KDSR: variants seen among roughly 807,000 people sequenced by gnomAD.
KDSR encodes the protein 3-dehydrosphinganine reductase.
In KDSR, 23 loss-of-function variants were observed where a neutral mutation model predicts 41.3. That is an observed-to-expected ratio of 0.56 (90% CI 0.40 to 0.79). KDSR has a LOEUF of 0.79. KDSR is among the 30% of genes least tolerant of loss of function. The pLI is 0.00. For missense variants in KDSR, 351 were observed against 416.8 expected (o/e 0.84, Z 1.37); for synonymous variants, 138 against 151.7 (o/e 0.91, Z 0.66).
rs1255458912 is a variant in KDSR, at chr18:63,367,129, G to T, written c.-11C>A. 37 of 1,307,546 alleles carry T rather than the reference G, an allele frequency of 2.8e-5. No individual in the cohort carries two copies. Among genetic ancestry groups the T allele is most frequent in the Middle Eastern group, 2.2e-4 (1 of 4,506 alleles). 81.0% of individuals were successfully genotyped at this position (1,307,546 alleles called of 1,614,324 possible). A position where few individuals can be genotyped will look rare whatever the true frequency, so the allele number is the denominator to read the frequency against. ...AGCCAGCAGCAGCATCGCTCCGCGG[G>T]GCCAGGGGCCCGGAGCGGCCGGGCG... is the stretch of plus-strand genomic sequence containing the variant. On this transcript the variant is annotated 5_prime_UTR_variant, in exon 1 of 10. Coordinates refer to ENST00000645214, the MANE Select transcript of KDSR (RefSeq NM_002035.4).
In KDSR at chr18:63,351,555, A is replaced by G. The variant is rs117914120; in HGVS notation, c.418-476T>C. Among the ~76,000 whole-genome samples, 472 of 152,294 alleles carry G rather than the reference A, an allele frequency of 3.1e-3. 3 individuals are homozygous for G. Among genetic ancestry groups the G allele is most frequent in the Non-Finnish European group, 5.1e-3 (349 of 68,032 alleles). On this transcript the variant is annotated intron_variant, in intron 5 of 9. Transcript: ENST00000645214. Reference sequence around the variant, plus strand: ...CCATTTATTGCCTATTTGATGATGAATAAGAAAGTCAGACATTCTACTTAT... The same window carrying G: ...CCATTTATTGCCTATTTGATGATGAGTAAGAAAGTCAGACATTCTACTTAT...
At chr18:63,332,149 A>G (rs1429753477) in intron 9 of KDSR, among the ~76,000 whole-genome samples, 2 of 152,226 alleles carry the variant, frequency 1.3e-5, no homozygotes, top group African/African-American at 2.4e-5. Context: ...AGAATAAAAT[A>G]TATATTGCTT....
intron 1 of KDSR, 82 bp downstream of exon 1, chr18:63,366,929 A>T: frequency 3.0e-6 from 2 of 657,982 alleles, no homozygotes; most frequent in South Asian, 6.7e-5. Flanking sequence ...GCCTGGAAAA[A>T]GGGACGTAGG....
At chr18:63,348,620 C>T (rs138021861) in intron 6 of KDSR, among the ~76,000 whole-genome samples, 34 of 152,162 alleles carry the variant, frequency 2.2e-4, no homozygotes, top group Non-Finnish European at 3.8e-4. Flanking sequence ...CAGACTTGAG[C>T]GTGCAGGCCG....
chr18:63,361,782 T>C (rs1321443549), intron 2 of KDSR, among the ~76,000 whole-genome samples: 4 of 152,018 alleles, frequency 2.6e-5, no homozygotes, highest in African/African-American at 9.7e-5. Context: ...GCCACTGCAC[T>C]CCAGCCTGGG....
chr18:63,344,687 A>C, intron 6 of KDSR, 194 bp from the exon 7 acceptor site: 26 of 503,906 alleles, frequency 5.2e-5, no homozygotes, highest in East Asian at 6.4e-5. Flanking sequence ...CAAAAAGCTC[A>C]CCCTAACCTG....
In KDSR at chr18:63,355,575, GA is replaced by G. The variant is rs781202888; in HGVS notation, c.256-13del. ...ATGCAAAGCACCACCTGTTAAAAAA[GA>G]AAAAAAGTGATCAAAGTTTTGCAGG... On this transcript the variant is annotated splice_polypyrimidine_tract_variant and intron_variant, in intron 3 of 9. Coordinates refer to ENST00000645214, the MANE Select transcript of KDSR (RefSeq NM_002035.4). 7.7e-6 allele frequency: 12 copies of G among 1,555,076 alleles called. No homozygotes were observed. The highest frequency in any genetic ancestry group is 4.6e-5 in the East Asian group (2 of 43,872).
chr18:63,364,265 C>T (rs1324507104), intron 1 of KDSR, among the ~76,000 whole-genome samples: 2 of 151,974 alleles, frequency 1.3e-5, no homozygotes, highest in African/African-American at 4.8e-5. Context: ...ACATAATAAA[C>T]AGCTCTAGAT....
At chr18:63,342,227 C>G (rs1914363354) in intron 7 of KDSR, among the ~76,000 whole-genome samples, 1 of 150,522 alleles carries the variant, frequency 6.6e-6, no homozygotes, top group Non-Finnish European at 1.5e-5. Flanking sequence ...CATGTTGTTT[C>G]TAAAACAATA....
chr18:63,359,862 A>G (rs554900210), intron 2 of KDSR, 70 bp from the exon 3 acceptor site: 3 of 1,028,886 alleles, frequency 2.9e-6, no homozygotes, highest in East Asian at 2.4e-5. Flanking sequence ...CAAAGGAGAG[A>G]AAAAAAGCAA....
At chr18:63,356,539 C>T (rs1470692754) in intron 3 of KDSR, among the ~76,000 whole-genome samples, 1 of 152,174 alleles carries the variant, frequency 6.6e-6, no homozygotes, top group African/African-American at 2.4e-5. Context: ...ACAAGTCACA[C>T]ACACACACAA....
At chr18:63,365,296 T>C (rs578107723) in intron 1 of KDSR, among the ~76,000 whole-genome samples, 2 of 152,324 alleles carry the variant, frequency 1.3e-5, no homozygotes, top group East Asian at 3.9e-4. Flanking sequence ...GAAACAATTG[T>C]TATAAGTTTG....
Position 63,328,021 on chromosome 18 carries a change from T to C in KDSR, c.*3761A>G, listed in dbSNP as rs1398495950. ...TAGTCCAGAATATGGAAGGTTCTGG[T>C]TGGCAGGTACTTTTTAAAGCTGACT... On this transcript the variant is annotated 3_prime_UTR_variant, in exon 10 of 10. Transcript: ENST00000645214. 1 of 202,244 alleles carries C rather than the reference T, an allele frequency of 4.9e-6. No homozygotes were observed. The highest frequency in any genetic ancestry group is 1.0e-5 in the Non-Finnish European group (1 of 98,560). 12.5% of individuals were successfully genotyped at this position (202,244 alleles called of 1,614,324 possible).
chr18:63,351,195 C>A (rs1914654341), intron 5 of KDSR, 116 bp from the exon 6 acceptor site: 8 of 749,394 alleles, frequency 1.1e-5, no homozygotes, highest in Non-Finnish European at 1.7e-5. Flanking sequence ...ACTGGGAAGC[C>A]CAACAGGCTT....
chr18:63,348,734 T>C (rs1265203048), intron 6 of KDSR, among the ~76,000 whole-genome samples: 2 of 152,146 alleles, frequency 1.3e-5, no homozygotes, highest in Non-Finnish European at 2.9e-5. Context: ...TCTGTTCTAC[T>C]TGAAGTGAAA....
At chr18:63,336,966 A>C (rs1275436935) in intron 8 of KDSR, among the ~76,000 whole-genome samples, 1 of 152,054 alleles carries the variant, frequency 6.6e-6, no homozygotes, top group Non-Finnish European at 1.5e-5. Flanking sequence ...TGCAGACCTT[A>C]AAGCAACTGG....
chr18:63,352,379 A>C (rs1354973471), intron 5 of KDSR, among the ~76,000 whole-genome samples: 1 of 152,156 alleles, frequency 6.6e-6, no homozygotes, highest in Non-Finnish European at 1.5e-5. Flanking sequence ...CAGTGGTGTG[A>C]TCTTGGCTCA....
At position 63,330,809 on chromosome 18, in the gene KDSR, C is replaced by CT. The variant is rs774806589; in HGVS notation, c.*972dup. 5,287 of 197,296 alleles carry CT rather than the reference C, an allele frequency of 0.027. 41 individuals are homozygous for CT. The highest frequency in any genetic ancestry group is 0.056 in the African/African-American group (2,256 of 40,108). The allele number at this position is 197,296 out of a possible 1,614,324, so 12.2% of individuals were successfully genotyped here. On this transcript the variant is annotated 3_prime_UTR_variant, in exon 10 of 10. Coordinates refer to ENST00000645214, the MANE Select transcript of KDSR (RefSeq NM_002035.4). ...AAAATTTTAGCTGGTCTTTTTTTTC[C>CT]TTTTTTTTTTTTTTTACAAAAATAT...
At chr18:63,336,950 T>C (rs770751657) in intron 8 of KDSR, among the ~76,000 whole-genome samples, 3 of 152,080 alleles carry the variant, frequency 2.0e-5, no homozygotes, top group African/African-American at 4.8e-5. Flanking sequence ...TGAATCCAGC[T>C]GTTAATGCAG....
Sources: gnomAD v4.1 joint callset for allele counts (sites outside exome capture counted in the v4.1 genomes callset) on GRCh38, gnomAD v4.1.1 for gene constraint, MANE v1.5 for transcripts, NCBI Gene and HGNC (gene_info 2026-07-23, HGNC 2026-07-21) for gene names.